CUL9: variants seen among roughly 807,000 people sequenced by gnomAD.
CUL9 encodes cullin-9.
Under a neutral mutation model 272.6 loss-of-function variants are expected in CUL9, and 79 were observed. The observed-to-expected ratio is 0.29, with a 90% CI of 0.24 to 0.35. The LOEUF is 0.35. CUL9 is among the 10% of genes least tolerant of loss of function. The pLI is 1.00. For synonymous variants in CUL9, 1,186 were observed against 1,286.5 expected, an observed-to-expected ratio of 0.92 and a Z score of 1.67; for missense variants, 2,532 against 3,255.6, an observed-to-expected ratio of 0.78 and a Z score of 5.41.
chr6:43,204,698 T>C, intron 21 of CUL9, 50 bp from the exon 22 acceptor site: 2 of 1,603,894 alleles, frequency 1.2e-6, no homozygotes, highest in South Asian at 1.1e-5. Context: ...ACCGGTGTAC[T>C]CACCCAGAGG....
chr6:43,208,696 T>C (rs1303674971), intron 26 of CUL9, among the ~76,000 whole-genome samples: 1 of 152,212 alleles, frequency 6.6e-6, no homozygotes, highest in East Asian at 1.9e-4. Context: ...GTTACTGGCT[T>C]TCCAGTTTAT....
chr6:43,214,948 G>C, intron 29 of CUL9, 131 bp from the exon 30 acceptor site: 1 of 1,070,440 alleles, frequency 9.3e-7, no homozygotes, highest in Non-Finnish European at 1.3e-6. Flanking sequence ...CTGCACTCTG[G>C]CCTGGGTGAC....
rs201528946 is a variant in CUL9, at chr6:43,193,039, A to G, written c.2219A>G (p.Asn740Ser). The G allele has an allele frequency of 1.6e-5, 26 of 1,614,142 alleles. No homozygotes were observed. The East Asian group carries it at 5.6e-4, about 35-fold the overall frequency. ...AAGATGCTGGTGGAGCTGCTGACCA[A>G]CCAGGTGGGAGAGAAGATGGTGGTC... is the stretch of plus-strand genomic sequence containing the variant. Reference protein sequence around the residue: ...LVKMLVELLTNQVGEKMVVVQ... With the variant: ...LVKMLVELLTSQVGEKMVVVQ... Residue 740 changes from asparagine to serine, a missense_variant, in exon 9 of 41, where the codon AAC (asparagine) becomes AGC (serine). Physicochemically the swap from Asn to Ser is conservative, Grantham distance 46. Coordinates refer to ENST00000252050, the MANE Select transcript of CUL9 (RefSeq NM_015089.4).
At chr6:43,198,137 A>T in intron 11 of CUL9, 1 of 290,822 alleles carries the variant, frequency 3.4e-6, no homozygotes, top group Non-Finnish European at 5.1e-6. Context: ...GCTACTTGGG[A>T]GGCTGAGGCA....
intron 6 of CUL9, 63 bp from the exon 7 acceptor site, chr6:43,187,650 A>G (rs1773050044): frequency 6.4e-7 from 1 of 1,550,600 alleles, no homozygotes; most frequent in African/African-American, 1.4e-5. Flanking sequence ...CACCCTTCCC[A>G]TTACTGACCC....
Position 43,199,929 on chromosome 6 carries a change from A to G in CUL9, c.3157A>G (p.Ile1053Val), listed in dbSNP as rs959487867. Reference sequence around the variant, plus strand: ...TTAATCTATGTGGCTCTGGGCTCAGATTGTTCAGGAGCTGACCTGCTTCCT... The same window carrying G: ...TTAATCTATGTGGCTCTGGGCTCAGGTTGTTCAGGAGCTGACCTGCTTCCT... ...CLSGPSSDSE[I>V]VQELTCFLHR... The change falls in exon 14 of 41, where the codon ATT (isoleucine) becomes GTT (valine). Residue 1053 changes from isoleucine (I) to valine (V), a missense_variant and splice_region_variant. Ile to Val is a conservative substitution (Grantham distance 29). This residue lies in a region of CUL9 where 2,218 missense variants were observed against 2,788.6 expected (regional missense o/e 0.80). Coordinates refer to ENST00000252050, the MANE Select transcript of CUL9 (RefSeq NM_015089.4). The surrounding 1 kb of genome is among the most constrained non-coding windows in gnomAD (Gnocchi z 4.4). 4 of 1,612,548 alleles carry G rather than the reference A, an allele frequency of 2.5e-6. No individual in the cohort carries two copies. Among genetic ancestry groups the G allele is most frequent in the Non-Finnish European group, 3.4e-6 (4 of 1,178,784 alleles).
rs370514554 is a variant in CUL9 at position 43,215,205 on chromosome 6, G to A, written c.5815G>A (p.Val1939Met). The change falls in exon 30 of 41, where the codon GTG (valine) becomes ATG (methionine). Residue 1939 changes from valine (V) to methionine (M), a missense_variant. Around this residue, in one of 3 missense-constraint regions of CUL9, gnomAD observed 2,218 missense variants for 2,788.6 expected, o/e 0.80. Coordinates refer to ENST00000252050, the MANE Select transcript of CUL9 (RefSeq NM_015089.4). ...CILHLLGQGY[V>M]KRRDDRPQIL... is the part of the protein sequence containing the mutation. ...CCTGCACCTCTTAGGCCAGGGCTAC[G>A]TGAAACGGCGTGATGACCGGCCCCA... 16 of 1,614,078 alleles carry A rather than the reference G, an allele frequency of 9.9e-6. No homozygotes were observed. Among genetic ancestry groups the A allele is most frequent in the East Asian group, 2.2e-5 (1 of 44,888 alleles).
intron 16 of CUL9, among the ~76,000 whole-genome samples, chr6:43,201,783 G>C (rs1677912110): frequency 6.6e-6 from 1 of 152,216 alleles, no homozygotes; most frequent in African/African-American, 2.4e-5. Context: ...CCGGCCGAAA[G>C]CTGTGTATGT....
At position 43,188,615 on chromosome 6, in the gene CUL9, G is replaced by T. The variant is rs767604215; in HGVS notation, c.2080G>T (p.Asp694Tyr). 2 of 1,614,200 alleles carry T rather than the reference G, an allele frequency of 1.2e-6. No homozygotes were observed. Among genetic ancestry groups the T allele is most frequent in the Non-Finnish European group, 1.7e-6 (2 of 1,180,036 alleles). Residue 694 changes from aspartate (D) to tyrosine (Y), a missense_variant, in exon 8 of 41, where the codon GAC (aspartate) becomes TAC (tyrosine). Transcript: ENST00000252050. ...VVATVQISSL[D>Y]TNLQLSGLSA... ...GGCCACTGTGCAGATATCCAGCTTG[G>T]ACACAAACCTGCAGCTTTCAGGGCT...
chr6:43,183,764 CT>C (rs939656576), intron 1 of CUL9, among the ~76,000 whole-genome samples: 3 of 140,490 alleles, frequency 2.1e-5, no homozygotes, highest in African/African-American at 2.6e-5. Context: ...TTCTTTTTTT[CT>C]TTTTTTTGAC....
chr6:43,193,806 T>G (rs751368056), intron 9 of CUL9, among the ~76,000 whole-genome samples: 4 of 152,088 alleles, frequency 2.6e-5, no homozygotes, highest in African/African-American at 4.8e-5. Flanking sequence ...GGAGGAGATA[T>G]GGGGTGAAGG....
rs1397027147 is a variant in CUL9 at position 43,213,879 on chromosome 6, A to G, written c.5655A>G (p.Glu1885=). 1 of 1,614,138 alleles carries G rather than the reference A, an allele frequency of 6.2e-7. No homozygotes were observed. Among genetic ancestry groups the G allele is most frequent in the Non-Finnish European group, 8.5e-7 (1 of 1,180,036 alleles). Residue 1885 remains glutamate, a synonymous_variant, in exon 29 of 41, where the codon GAA becomes GAG. Coordinates refer to ENST00000252050, the MANE Select transcript of CUL9 (RefSeq NM_015089.4). This position sits in a 1 kb window ranked among gnomAD's most constrained non-coding sequence, Gnocchi z 5.7. The stretch of plus-strand genomic sequence containing the variant: ...TTCGTATTCTCAAAGCCCATGGGGA[A>G]AAGGGCCTCCACATTGATCAGCTGG... ...LLVRILKAHG[E]KGLHIDQLVC...
In CUL9 at chr6:43,199,883, C is replaced by A; in HGVS notation, c.3157-46C>A. 6.8e-7 allele frequency: 1 copy of A among 1,473,298 alleles called. No individual in the cohort carries two copies. The allele number at this position is 1,473,298 out of a possible 1,614,324, so 91.3% of individuals were successfully genotyped here. On this transcript the variant is annotated intron_variant, in intron 13 of 40. Coordinates refer to ENST00000252050, the MANE Select transcript of CUL9 (RefSeq NM_015089.4). This position sits in a 1 kb window ranked among gnomAD's most constrained non-coding sequence, Gnocchi z 4.4. ...ACCCTCTCCTCAATCCTTACATGTC[C>A]TACCTCTTGTTTCCTGTAAATTAAT...
chr6:43,223,521 G>A lies in CUL9; in HGVS notation c.7284+124G>A. 1 of 1,342,558 alleles carries A rather than the reference G, an allele frequency of 7.4e-7. No individual in the cohort carries two copies. The highest frequency in any genetic ancestry group is 1.0e-6 in the Non-Finnish European group (1 of 997,934). The allele number at this position is 1,342,558 out of a possible 1,614,324, so 83.2% of individuals were successfully genotyped here. ...AAGGCAGCAAAGCGGGTGAATGGATGTTAGACCTGGGCGCACATCCCGGCT... is the reference window on the plus strand; with the variant it reads ...AAGGCAGCAAAGCGGGTGAATGGATATTAGACCTGGGCGCACATCCCGGCT... On this transcript the variant is annotated intron_variant, in intron 39 of 40. Transcript: ENST00000252050. The surrounding 1 kb of genome is among the most constrained non-coding windows in gnomAD (Gnocchi z 4.1).
chr6:43,188,925 C>T (rs865989146), intron 8 of CUL9: 1 of 465,784 alleles, frequency 2.1e-6, no homozygotes, highest in Non-Finnish European at 3.8e-6. Flanking sequence ...TAGTATTTTA[C>T]ATGCATTCTC....
At position 43,202,917 on chromosome 6, in the gene CUL9, C is replaced by G. The variant is rs545496905; in HGVS notation, c.3753+96C>G. 1.3e-4 allele frequency: 174 copies of G among 1,314,704 alleles called. 2 individuals carry two copies. The Middle Eastern group carries it at 2.5e-3, about 19-fold the overall frequency. The allele number at this position is 1,314,704 out of a possible 1,614,324, so 81.4% of individuals were successfully genotyped here. ...CCTAGTCCCTGGGGAATGGTGACAT[C>G]CCTTCCCCTTGGGAAGGTGTTGCCT... is the stretch of plus-strand genomic sequence containing the variant. On this transcript the variant is annotated intron_variant, in intron 17 of 40. Coordinates refer to ENST00000252050, the MANE Select transcript of CUL9 (RefSeq NM_015089.4).
At chr6:43,205,783 C>T (rs560568519) in intron 24 of CUL9, among the ~76,000 whole-genome samples, 1 of 149,862 alleles carries the variant, frequency 6.7e-6, no homozygotes, top group Non-Finnish European at 1.5e-5. Flanking sequence ...GAGCCAAGAC[C>T]ACGTCATTGC....
intron 31 of CUL9, among the ~76,000 whole-genome samples, chr6:43,217,024 A>ATATACTCTCATTTAATACT (rs951096892): frequency 2.0e-5 from 3 of 152,226 alleles, no homozygotes; most frequent in African/African-American, 4.8e-5. Flanking sequence ...GTGCACTATC[A>ATATACTCTCATTTAATACT]CTGCTTTTAT....
chr6:43,208,190 A>G (rs1215270308), intron 26 of CUL9, among the ~76,000 whole-genome samples: 2 of 152,096 alleles, frequency 1.3e-5, no homozygotes, highest in Non-Finnish European at 1.5e-5. Flanking sequence ...TTTAATTGTA[A>G]TCAGTTTATT....
Sources: gnomAD v4.1 joint callset for allele counts (sites outside exome capture counted in the v4.1 genomes callset) on GRCh38, gnomAD v4.1.1 for gene constraint, gnomAD v4.1.1 regional missense constraint, Gnocchi (gnomAD v3.1) non-coding constraint, MANE v1.5 for transcripts, NCBI Gene and HGNC (gene_info 2026-07-23, HGNC 2026-07-21) for gene names.